Variants in DNAH9 observed in about 807,000 individuals in gnomAD.
DNAH9 encodes the protein DNAH9 variant protein.
In DNAH9, 345 loss-of-function variants were observed where a neutral mutation model predicts 471.6. The ratio of observed to expected loss-of-function variants is 0.73; its 90% CI spans 0.67 to 0.80. DNAH9 has a LOEUF of 0.80. Among genes scored for constraint, DNAH9 ranks in the 30% least tolerant of loss-of-function variants. The probability of loss-of-function intolerance (pLI) is 0.00; values close to 1 mark genes in which losing one functional copy is unlikely to be tolerated. For missense variants in DNAH9, 5,407 were observed against 5,609.2 expected, an observed-to-expected ratio of 0.96 and a Z score of 1.15; for synonymous variants, 2,093 against 2,123.6, an observed-to-expected ratio of 0.99 and a Z score of 0.40.
chr17:11,694,303 T>A lies in DNAH9; in HGVS notation c.4746-18T>A, dbSNP rs200108239. ...CTAGACATTCTTAACTGGGAAATTCTATGTTCTGTGCCCTCAGATTGTGCC... is the reference window on the plus strand; with the variant it reads ...CTAGACATTCTTAACTGGGAAATTCAATGTTCTGTGCCCTCAGATTGTGCC... On this transcript the variant is annotated intron_variant, in intron 21 of 68. Transcript: ENST00000262442. 257 of 1,613,654 alleles carry A rather than the reference T, an allele frequency of 1.6e-4. 2 individuals are homozygous for A. In the South Asian group the frequency reaches 1.9e-3, roughly 12 times the overall value.
At chr17:11,740,552 C>A (rs1431806152) in intron 29 of DNAH9, among the ~76,000 whole-genome samples, 3 of 152,206 alleles carry the variant, frequency 2.0e-5, no homozygotes, top group Non-Finnish European at 2.9e-5. Flanking sequence ...CAAATACCAT[C>A]ACATTGCATT....
intron 49 of DNAH9, among the ~76,000 whole-genome samples, chr17:11,849,954 T>C (rs534383793): frequency 3.3e-5 from 5 of 152,286 alleles, no homozygotes; most frequent in Admixed American, 2.0e-4. Context: ...GCTCTTCCTA[T>C]GCCAGGCACT....
intron 67 of DNAH9, 46 bp from the exon 68 acceptor site, chr17:11,961,821 A>C: frequency 6.5e-7 from 1 of 1,543,108 alleles, no homozygotes; most frequent in African/African-American, 1.4e-5. Flanking sequence ...GTTTTCAGGG[A>C]CTTCCCACCT....
intron 49 of DNAH9, among the ~76,000 whole-genome samples, chr17:11,843,555 T>C (rs1334424875): frequency 6.6e-6 from 1 of 151,776 alleles, no homozygotes; most frequent in African/African-American, 2.4e-5. Flanking sequence ...CTACTCTAAT[T>C]GAACTCCAAT....
chr17:11,649,445 A>G lies in DNAH9; in HGVS notation c.2098-1624A>G, dbSNP rs370680536. On this transcript the variant is annotated intron_variant, in intron 12 of 68. Transcript: ENST00000262442. ...TGCGTATAAAATAATAGTGAATCTT[A>G]CAATTGATGACATCTTAAACTGGAT... is the stretch of plus-strand genomic sequence containing the variant. 3.3e-5 allele frequency among the ~76,000 whole-genome samples: 5 copies of G among 152,300 alleles called. No individual in the cohort carries two copies. The South Asian group carries it at 8.3e-4, about 25-fold the overall frequency.
At chr17:11,667,321 T>C (rs2073890005) in intron 15 of DNAH9, among the ~76,000 whole-genome samples, 1 of 152,186 alleles carries the variant, frequency 6.6e-6, no homozygotes, top group Admixed American at 6.5e-5. Context: ...AACTATACCA[T>C]CTTATAAACT....
At chr17:11,773,224 C>T (rs1968286988) in intron 38 of DNAH9, among the ~76,000 whole-genome samples, 1 of 152,148 alleles carries the variant, frequency 6.6e-6, no homozygotes, top group South Asian at 2.1e-4. Flanking sequence ...ACTTGAGACC[C>T]TGTGTATTTA....
At chr17:11,710,471 A>C (rs2074809792) in intron 26 of DNAH9, among the ~76,000 whole-genome samples, 1 of 152,194 alleles carries the variant, frequency 6.6e-6, no homozygotes, top group South Asian at 2.1e-4. Context: ...GTAGTTTATT[A>C]AAGTATTAAT....
intron 12 of DNAH9, among the ~76,000 whole-genome samples, chr17:11,648,682 G>T (rs559138502): frequency 1.3e-5 from 2 of 151,520 alleles, no homozygotes; most frequent in Admixed American, 1.3e-4. Context: ...AAGGAGGGAG[G>T]AAAGAAGAAA....
intron 45 of DNAH9, among the ~76,000 whole-genome samples, chr17:11,819,449 G>C (rs528156301): frequency 1.3e-4 from 19 of 150,770 alleles, no homozygotes; most frequent in Admixed American, 8.6e-4. Context: ...ACGAAGTCTT[G>C]CTCTGAAGCG....
chr17:11,889,504 T>G (rs1398998984), intron 57 of DNAH9, among the ~76,000 whole-genome samples: 1 of 152,190 alleles, frequency 6.6e-6, no homozygotes, highest in East Asian at 1.9e-4. Flanking sequence ...TAGATTGGCA[T>G]GTGCCTCCAG....
At chr17:11,853,175 T>A (rs1971495358) in intron 49 of DNAH9, 1 of 152,022 alleles carries the variant, frequency 6.6e-6, no homozygotes, top group Non-Finnish European at 1.5e-5. Context: ...GCTTCTGGTA[T>A]GAATAAAGTT....
At chr17:11,778,389 G>A (rs1044335406) in intron 38 of DNAH9, among the ~76,000 whole-genome samples, 5 of 147,680 alleles carry the variant, frequency 3.4e-5, no homozygotes, top group South Asian at 2.2e-4. Context: ...AAAGAGAAAC[G>A]GGGTGCCTGG....
chr17:11,716,031 G>T (rs764654946), intron 26 of DNAH9, among the ~76,000 whole-genome samples: 3 of 151,860 alleles, frequency 2.0e-5, no homozygotes, highest in Non-Finnish European at 2.9e-5. Context: ...CAGGCGTCAT[G>T]GCAGCCTCCC....
At chr17:11,691,610 G>T (rs1165569219) in intron 20 of DNAH9, among the ~76,000 whole-genome samples, 2 of 151,906 alleles carry the variant, frequency 1.3e-5, no homozygotes, top group Non-Finnish European at 2.9e-5. Flanking sequence ...TCCCAACTTT[G>T]GTTCATGTAT....
At chr17:11,797,024 A>G (rs1969269268) in intron 42 of DNAH9, among the ~76,000 whole-genome samples, 1 of 152,220 alleles carries the variant, frequency 6.6e-6, no homozygotes, top group Non-Finnish European at 1.5e-5. Context: ...GAGTTCTACC[A>G]TAAATGCGTT....
chr17:11,660,134 G>C (rs748227452), intron 14 of DNAH9, among the ~76,000 whole-genome samples: 1 of 151,784 alleles, frequency 6.6e-6, no homozygotes, highest in African/African-American at 2.4e-5. Context: ...TTTCATTCAA[G>C]TTACTTTAGG....
At chr17:11,604,623 C>A (rs919371427) in intron 1 of DNAH9, among the ~76,000 whole-genome samples, 1 of 152,182 alleles carries the variant, frequency 6.6e-6, no homozygotes, top group Non-Finnish European at 1.5e-5. Flanking sequence ...CACCTTTACT[C>A]CTCCCCACAT....
chr17:11,748,860 A>T (rs1192981114), intron 32 of DNAH9, among the ~76,000 whole-genome samples: 1 of 152,136 alleles, frequency 6.6e-6, no homozygotes, highest in African/African-American at 2.4e-5. Flanking sequence ...TGATGTTTCA[A>T]TGTCTGACCA....
Sources: gnomAD v4.1 joint callset for allele counts (sites outside exome capture counted in the v4.1 genomes callset) on GRCh38, gnomAD v4.1.1 for gene constraint, MANE v1.5 for transcripts, NCBI Gene and HGNC (gene_info 2026-07-23, HGNC 2026-07-21) for gene names.